The following PAK5 variants were observed in gnomAD, a reference collection of about 807,000 sequenced individuals.
PAK5 encodes p21 (RAC1) activated kinase 5.
Under a neutral mutation model 65.9 loss-of-function variants are expected in PAK5, and 16 were observed. The ratio of observed to expected loss-of-function variants is 0.24; its 90% CI spans 0.16 to 0.37. The LOEUF (loss-of-function observed/expected upper bound fraction) is 0.37, where lower values mean the gene tolerates loss of function less well. PAK5 is among the 10% of genes least tolerant of loss of function. PAK5 has a pLI of 1.00. For synonymous variants in PAK5, 371 were observed against 354.9 expected, an observed-to-expected ratio of 1.05 and a Z score of -0.51; for missense variants, 785 against 903.9, an observed-to-expected ratio of 0.87 and a Z score of 1.69.
At chr20:9,660,119 T>G (rs1054766890) in intron 2 of PAK5, among the ~76,000 whole-genome samples, 7 of 151,998 alleles carry the variant, frequency 4.6e-5, no homozygotes, top group African/African-American at 7.2e-5. Flanking sequence ...AGATTCTCAC[T>G]TACAGCCTGC....
intron 1 of PAK5, among the ~76,000 whole-genome samples, chr20:9,759,294 T>C (rs1913792317): frequency 6.6e-6 from 1 of 152,208 alleles, no homozygotes; most frequent in Non-Finnish European, 1.5e-5. Flanking sequence ...CTTTGTAGCA[T>C]ATTTACATTT....
At chr20:9,670,636 T>G (rs1474581398) in intron 2 of PAK5, among the ~76,000 whole-genome samples, 1 of 152,248 alleles carries the variant, frequency 6.6e-6, no homozygotes, top group Non-Finnish European at 1.5e-5. Context: ...TTTTCTCTTG[T>G]AAATTTGTTT....
In PAK5 at chr20:9,580,469, G is replaced by T. The variant is rs267606070; in HGVS notation, c.666C>A (p.Ala222=). The change falls in exon 4 of 10, where the codon GCC becomes GCA. Residue 222 remains alanine, a synonymous_variant. Transcript: ENST00000353224. ...AATAATCCAGAGGGGAGCTACTCGAGGCTCTCTGATACTCCCACTTGAGGT... is the reference window on the plus strand; with the variant it reads ...AATAATCCAGAGGGGAGCTACTCGATGCTCTCTGATACTCCCACTTGAGGT... ...YSDLKWEYQR[A]SSSSPLDYSF... 9.3e-6 allele frequency: 15 copies of T among 1,613,910 alleles called. No homozygotes were observed. Among genetic ancestry groups the T allele is most frequent in the Non-Finnish European group, 1.3e-5 (15 of 1,179,938 alleles).
At chr20:9,641,456 A>G (rs1319410743) in intron 3 of PAK5, among the ~76,000 whole-genome samples, 2 of 113,408 alleles carry the variant, frequency 1.8e-5, no homozygotes, top group East Asian at 3.8e-4. Context: ...CGATTGGTGT[A>G]TTTACAATCC....
chr20:9,757,237 A>T lies in PAK5; in HGVS notation c.-161-45802T>A, dbSNP rs201798746. Among the ~76,000 whole-genome samples, 252 of 151,830 alleles carry T rather than the reference A, an allele frequency of 1.7e-3. 1 individual carries two copies. The highest frequency in any genetic ancestry group is 3.4e-3 in the Middle Eastern group (1 of 292). ...CAAATTAAGACAATATGAAAAAAAA[A>T]CTATTACATATATTCCACATCTTTT... On this transcript the variant is annotated intron_variant, in intron 1 of 9. Transcript: ENST00000353224.
At chr20:9,772,217 G>A (rs1281974036) in intron 1 of PAK5, among the ~76,000 whole-genome samples, 1 of 152,170 alleles carries the variant, frequency 6.6e-6, no homozygotes, top group Admixed American at 6.5e-5. Context: ...GATGAGAGCA[G>A]CCACCTGGAG....
intron 1 of PAK5, among the ~76,000 whole-genome samples, chr20:9,779,925 A>G (rs1323172024): frequency 6.6e-6 from 1 of 152,090 alleles, no homozygotes; most frequent in African/African-American, 2.4e-5. Flanking sequence ...TATAATAATG[A>G]TTTGTACCCC....
intron 2 of PAK5, among the ~76,000 whole-genome samples, chr20:9,677,926 T>C (rs2047596728): frequency 6.6e-6 from 1 of 152,222 alleles, no homozygotes; most frequent in Non-Finnish European, 1.5e-5. Context: ...GAAGCATATA[T>C]GCTATCATAT....
At chr20:9,768,320 G>A (rs1189204793) in intron 1 of PAK5, among the ~76,000 whole-genome samples, 5 of 151,962 alleles carry the variant, frequency 3.3e-5, no homozygotes, top group African/African-American at 2.4e-5. Context: ...CATAAACATA[G>A]GAACGATAGA....
At chr20:9,585,297 C>G (rs2046049772) in intron 3 of PAK5, among the ~76,000 whole-genome samples, 1 of 152,160 alleles carries the variant, frequency 6.6e-6, no homozygotes, top group African/African-American at 2.4e-5. Context: ...GTCACCTCTT[C>G]TTTTTACTGA....
chr20:9,610,194 T>C (rs1475636002), intron 3 of PAK5, among the ~76,000 whole-genome samples: 2 of 152,218 alleles, frequency 1.3e-5, no homozygotes, highest in African/African-American at 2.4e-5. Context: ...AATTGGCTAA[T>C]AAACTTCACA....
intron 1 of PAK5, among the ~76,000 whole-genome samples, chr20:9,761,173 T>C (rs2048695000): frequency 6.6e-6 from 1 of 152,158 alleles, no homozygotes; most frequent in Admixed American, 6.5e-5. Flanking sequence ...CTGATCCCAC[T>C]GTTTTTCAAA....
At chr20:9,721,426 T>C (rs936556361) in intron 1 of PAK5, among the ~76,000 whole-genome samples, 1 of 151,892 alleles carries the variant, frequency 6.6e-6, no homozygotes, top group Non-Finnish European at 1.5e-5. Context: ...GGTGGGCGGA[T>C]CAGCTGAGGT....
chr20:9,622,184 A>G (rs2046779215), intron 3 of PAK5, among the ~76,000 whole-genome samples: 1 of 137,716 alleles, frequency 7.3e-6, no homozygotes, highest in African/African-American at 2.8e-5. Flanking sequence ...GCAAAACATG[A>G]TCATATATTA....
intron 1 of PAK5, among the ~76,000 whole-genome samples, chr20:9,775,950 A>G (rs557468058): frequency 1.3e-5 from 2 of 152,372 alleles, no homozygotes; most frequent in South Asian, 4.1e-4. Flanking sequence ...ATAATTGAAC[A>G]TATGATTAAT....
chr20:9,807,390 C>T (rs528488276), intron 1 of PAK5, among the ~76,000 whole-genome samples: 2 of 152,176 alleles, frequency 1.3e-5, no homozygotes, highest in South Asian at 2.1e-4. Context: ...GGCAAGAAAG[C>T]GAAGCACCCA....
intron 3 of PAK5, among the ~76,000 whole-genome samples, chr20:9,581,809 G>C (rs1344796676): frequency 6.6e-6 from 1 of 152,166 alleles, no homozygotes; most frequent in Non-Finnish European, 1.5e-5. Flanking sequence ...AAATATGATG[G>C]GGGTGGATAA....
intron 3 of PAK5, among the ~76,000 whole-genome samples, chr20:9,618,251 C>T (rs1249393336): frequency 2.6e-5 from 4 of 151,834 alleles, no homozygotes; most frequent in Non-Finnish European, 5.9e-5. Flanking sequence ...GAGTCAGGTA[C>T]CCCCCCAAGT....
intron 9 of PAK5, 44 bp from the exon 10 acceptor site, chr20:9,539,661 C>A (rs372342221): frequency 1.3e-6 from 2 of 1,533,276 alleles, no homozygotes; most frequent in Non-Finnish European, 1.8e-6. Flanking sequence ...AACACAGACA[C>A]CTAACCCAGT....
Sources: gnomAD v4.1 joint callset for allele counts (sites outside exome capture counted in the v4.1 genomes callset) on GRCh38, gnomAD v4.1.1 for gene constraint, MANE v1.5 for transcripts, NCBI Gene and HGNC (gene_info 2026-07-23, HGNC 2026-07-21) for gene names.